Variants in PTPRD observed in about 807,000 individuals in gnomAD.
PTPRD encodes protein tyrosine phosphatase receptor type D.
Under a neutral mutation model 214.5 loss-of-function variants are expected in PTPRD, and 34 were observed. The ratio of observed to expected loss-of-function variants is 0.16; its 90% CI spans 0.12 to 0.21. The LOEUF (loss-of-function observed/expected upper bound fraction) is 0.21, where lower values mean the gene tolerates loss of function less well. PTPRD is among the 10% of genes least tolerant of loss of function. The pLI is 1.00. For missense variants in PTPRD, 2,545 were observed against 2,398.7 expected (o/e 1.06, Z -1.27); for synonymous variants, 1,128 against 845.7 (o/e 1.33, Z -5.79).
At chr9:9,702,617 G>A (rs1173030842) in intron 7 of PTPRD, among the ~76,000 whole-genome samples, 2 of 152,170 alleles carry the variant, frequency 1.3e-5, no homozygotes, top group Non-Finnish European at 2.9e-5. Flanking sequence ...AAAACTGGTA[G>A]TGAGGAGAAA....
intron 2 of PTPRD, among the ~76,000 whole-genome samples, chr9:10,469,825 T>C (rs774954393): frequency 6.6e-6 from 1 of 151,854 alleles, no homozygotes; most frequent in South Asian, 2.1e-4. Flanking sequence ...TATTCAGCCA[T>C]AGAAACTAAA....
intron 5 of PTPRD, among the ~76,000 whole-genome samples, chr9:9,862,865 C>T (rs968902373): frequency 6.6e-6 from 1 of 152,022 alleles, no homozygotes; most frequent in Non-Finnish European, 1.5e-5. Context: ...TTCAGGTTTT[C>T]TTGTGCCTTT....
chr9:8,365,935 G>A (rs1189433149), intron 39 of PTPRD, among the ~76,000 whole-genome samples: 1 of 152,104 alleles, frequency 6.6e-6, no homozygotes, highest in Non-Finnish European at 1.5e-5. Flanking sequence ...CCACAGACTT[G>A]CGAGAAAAAA....
At chr9:8,926,610 G>A (rs1485261492) in intron 11 of PTPRD, among the ~76,000 whole-genome samples, 1 of 152,128 alleles carries the variant, frequency 6.6e-6, no homozygotes, top group Non-Finnish European at 1.5e-5. Flanking sequence ...GGGACTGTAT[G>A]TTCTCCATGG....
chr9:8,953,092 T>A (rs967041081), intron 11 of PTPRD, among the ~76,000 whole-genome samples: 1 of 151,514 alleles, frequency 6.6e-6, no homozygotes, highest in Non-Finnish European at 1.5e-5. Context: ...AGATAAAATA[T>A]ATGCTTTTGG....
At chr9:9,723,926 C>G (rs907090800) in intron 7 of PTPRD, among the ~76,000 whole-genome samples, 2 of 152,006 alleles carry the variant, frequency 1.3e-5, no homozygotes, top group Non-Finnish European at 2.9e-5. Context: ...TTAGGATTTT[C>G]TACATATACA....
At chr9:9,059,902 AC>A (rs1382820422) in intron 10 of PTPRD, among the ~76,000 whole-genome samples, 5 of 152,164 alleles carry the variant, frequency 3.3e-5, no homozygotes, top group Non-Finnish European at 7.4e-5. Context: ...GAAACAGAAT[AC>A]TTAAATAAAT....
chr9:8,971,626 G>A (rs2099238986), intron 11 of PTPRD, among the ~76,000 whole-genome samples: 1 of 151,598 alleles, frequency 6.6e-6, no homozygotes, highest in African/African-American at 2.4e-5. Context: ...AACTATTGAA[G>A]TTTCCTCTTT....
At chr9:9,244,309 A>G (rs2099971872) in intron 9 of PTPRD, among the ~76,000 whole-genome samples, 1 of 152,106 alleles carries the variant, frequency 6.6e-6, no homozygotes, top group Non-Finnish European at 1.5e-5. Context: ...ATGGAACCAA[A>G]AAAGAGCCCG....
rs1223735800 is a variant in PTPRD, at chr9:9,947,555, ATATATATTT to A, written c.-471-8954_-471-8946del. ...ATTTTATATATAATATATATATTATATATATATTTTATATATATATTATATATATATTAT... is the reference window on the plus strand; with the variant it reads ...ATTTTATATATAATATATATATTATATATATATATATTATATATATATTAT... On this transcript the variant is annotated intron_variant, in intron 4 of 45. Coordinates refer to ENST00000381196, the MANE Select transcript of PTPRD (RefSeq NM_002839.4). Among the ~76,000 whole-genome samples the A allele has an allele frequency of 2.2e-3, 97 of 44,914 alleles. 2 individuals are homozygous for A. Among genetic ancestry groups the A allele is most frequent in the Admixed American group, 4.5e-3 (11 of 2,448 alleles). The allele number at this position is 44,914 out of a possible 152,430, so 29.5% of individuals were successfully genotyped here.
chr9:10,143,945 T>A (rs1011728651), intron 3 of PTPRD, among the ~76,000 whole-genome samples: 11 of 152,032 alleles, frequency 7.2e-5, no homozygotes, highest in African/African-American at 1.4e-4. Flanking sequence ...AACTACCTAT[T>A]AGGTACAATG....
rs80232498 is a variant in PTPRD at position 8,707,529 on chromosome 9, G to C, written c.64+26251C>G. On this transcript the variant is annotated intron_variant, in intron 12 of 45. Transcript: ENST00000381196. ...GACAAAGTGTTCCTTAAATTACTTA[G>C]CATGGGCTAAGAAATTCATATATTT... is the stretch of plus-strand genomic sequence containing the variant. 3.3e-5 allele frequency among the ~76,000 whole-genome samples: 5 copies of C among 152,336 alleles called. No individual in the cohort carries two copies. The East Asian group carries it at 9.7e-4, about 29-fold the overall frequency.
At chr9:9,437,832 G>A (rs1240202487) in intron 8 of PTPRD, among the ~76,000 whole-genome samples, 1 of 152,146 alleles carries the variant, frequency 6.6e-6, no homozygotes, top group Non-Finnish European at 1.5e-5. Context: ...AAGTCTGTCA[G>A]TCAACAAAGG....
rs866069855 is a variant in PTPRD, at chr9:8,713,078, T to G, written c.64+20702A>C. On this transcript the variant is annotated intron_variant, in intron 12 of 45. Coordinates refer to ENST00000381196, the MANE Select transcript of PTPRD (RefSeq NM_002839.4). ...AATCTCAGAAATCTAGGTATGTGTGTGTGCTTTTTATTTATAAAACAGAAT... is the reference window on the plus strand; with the variant it reads ...AATCTCAGAAATCTAGGTATGTGTGGGTGCTTTTTATTTATAAAACAGAAT... Among the ~76,000 whole-genome samples, 119 of 152,222 alleles carry G rather than the reference T, an allele frequency of 7.8e-4. 1 individual carries two copies. Among genetic ancestry groups the G allele is most frequent in the African/African-American group, 2.7e-3 (114 of 41,466 alleles).
At chr9:8,793,813 G>T (rs2096315003) in intron 11 of PTPRD, among the ~76,000 whole-genome samples, 1 of 152,080 alleles carries the variant, frequency 6.6e-6, no homozygotes, top group South Asian at 2.1e-4. Flanking sequence ...GTGTGCTATA[G>T]ATACACTATG....
At chr9:10,484,936 G>T (rs1325144172) in intron 2 of PTPRD, among the ~76,000 whole-genome samples, 1 of 151,938 alleles carries the variant, frequency 6.6e-6, no homozygotes, top group East Asian at 1.9e-4. Context: ...ATACTACCCA[G>T]ATCAATGTCC....
chr9:9,068,178 T>G (rs568181310), intron 10 of PTPRD, among the ~76,000 whole-genome samples: 1 of 152,210 alleles, frequency 6.6e-6, no homozygotes, highest in Non-Finnish European at 1.5e-5. Flanking sequence ...TATTGATTTC[T>G]TTTTGTCCTT....
rs1029721990 is a variant in PTPRD, at chr9:9,420,881, T to C, written c.-236-23399A>G. On this transcript the variant is annotated intron_variant, in intron 8 of 45. Transcript: ENST00000381196. ...AAAAATATCTTTTCATAAATGCAGATAATTTGTTAAAATATTTGACCAGTC... is the reference window on the plus strand; with the variant it reads ...AAAAATATCTTTTCATAAATGCAGACAATTTGTTAAAATATTTGACCAGTC... 2.0e-5 allele frequency among the ~76,000 whole-genome samples: 3 copies of C among 151,978 alleles called. No homozygotes were observed. In the East Asian group the frequency reaches 5.8e-4, roughly 29 times the overall value.
At chr9:9,746,726 G>C (rs557645611) in intron 6 of PTPRD, among the ~76,000 whole-genome samples, 8 of 151,632 alleles carry the variant, frequency 5.3e-5, no homozygotes, top group Non-Finnish European at 1.2e-4. Context: ...ACTGAATCCA[G>C]AGCTAGCTCA....
Sources: gnomAD v4.1 joint callset for allele counts (sites outside exome capture counted in the v4.1 genomes callset) on GRCh38, gnomAD v4.1.1 for gene constraint, MANE v1.5 for transcripts, NCBI Gene and HGNC (gene_info 2026-07-23, HGNC 2026-07-21) for gene names.